NALF1: variants seen among roughly 807,000 people sequenced by gnomAD.
NALF1 encodes the protein family with sequence similarity 155 member A.
Under a neutral mutation model 48.4 loss-of-function variants are expected in NALF1, and 3 were observed. The observed-to-expected ratio is 0.06, with a 90% CI of 0.03 to 0.16. The LOEUF (loss-of-function observed/expected upper bound fraction) is 0.16. NALF1 is among the 10% of genes least tolerant of loss of function. The pLI, the probability that NALF1 is intolerant of heterozygous loss-of-function variation, is 1.00. For synonymous variants in NALF1, 262 were observed against 245.7 expected (o/e 1.07, Z -0.62); for missense variants, 526 against 571.5 (o/e 0.92, Z 0.81).
At chr13:107,199,500 G>T (rs2138792334) in intron 2 of NALF1, among the ~76,000 whole-genome samples, 1 of 152,168 alleles carries the variant, frequency 6.6e-6, no homozygotes, top group South Asian at 2.1e-4. Flanking sequence ...TCCATATACG[G>T]TCACATTCTG....
chr13:107,854,966 A>C (rs1256836064), intron 1 of NALF1, among the ~76,000 whole-genome samples: 2 of 152,182 alleles, frequency 1.3e-5, no homozygotes, highest in African/African-American at 4.8e-5. Context: ...ACTTTTGGTA[A>C]GAAACCAATT....
At chr13:107,691,259 C>T (rs13378498) in intron 1 of NALF1, among the ~76,000 whole-genome samples, 10 of 152,166 alleles carry the variant, frequency 6.6e-5, no homozygotes, top group South Asian at 2.1e-4. Context: ...TTCTCCTCAC[C>T]GCCTCAGAAG....
At position 107,591,349 on chromosome 13, in the gene NALF1, C is replaced by A. The variant is rs9559079; in HGVS notation, c.915+274333G>T. The stretch of plus-strand genomic sequence containing the variant: ...ACGTATTCTGCACATAATAGGCTTC[C>A]ATCATTCAGCATTGAGACTTCTTCA... On this transcript the variant is annotated intron_variant, in intron 1 of 2. Coordinates refer to ENST00000375915, the MANE Select transcript of NALF1 (RefSeq NM_001080396.3). Among the ~76,000 whole-genome samples, 9 of 151,958 alleles carry A rather than the reference C, an allele frequency of 5.9e-5. No individual in the cohort carries two copies. The East Asian group carries it at 9.7e-4, about 16-fold the overall frequency.
Position 107,210,615 on chromosome 13 carries a change from G to C in NALF1, c.1056C>G (p.Ile352Met). 6.2e-7 allele frequency: 1 copy of C among 1,613,484 alleles called. No homozygotes were observed. Among genetic ancestry groups the C allele is most frequent in the Non-Finnish European group, 8.5e-7 (1 of 1,179,426 alleles). Reference protein sequence around the residue: ...PFILPDNDEVIYGGLSSFICT... With the variant: ...PFILPDNDEVMYGGLSSFICT... ...AGATGAAACTGGAGAGGCCTCCGTAGATGACTTCATCATTGTCGGGCAATA... is the reference window on the plus strand; with the variant it reads ...AGATGAAACTGGAGAGGCCTCCGTACATGACTTCATCATTGTCGGGCAATA... Residue 352 changes from isoleucine (I) to methionine (M), a missense_variant, in exon 2 of 3, where the codon ATC (isoleucine) becomes ATG (methionine). Ile to Met is a conservative substitution (Grantham distance 10). Transcript: ENST00000375915.
chr13:107,199,874 C>T (rs1432620192), intron 2 of NALF1, among the ~76,000 whole-genome samples: 1 of 152,188 alleles, frequency 6.6e-6, no homozygotes, highest in South Asian at 2.1e-4. Flanking sequence ...CACAGACACC[C>T]GTGGGCGGGA....
chr13:107,410,114 T>C (rs1379252742), intron 1 of NALF1, among the ~76,000 whole-genome samples: 1 of 152,228 alleles, frequency 6.6e-6, no homozygotes, highest in Non-Finnish European at 1.5e-5. Flanking sequence ...GTAACAATGC[T>C]TGGTGCTTGT....
chr13:107,331,692 T>C (rs1161125614), intron 1 of NALF1, among the ~76,000 whole-genome samples: 1 of 152,150 alleles, frequency 6.6e-6, no homozygotes, highest in Non-Finnish European at 1.5e-5. Context: ...ACAATAGGAT[T>C]TAGATAATTG....
chr13:107,806,590 A>G (rs1878798418), intron 1 of NALF1, among the ~76,000 whole-genome samples: 1 of 152,118 alleles, frequency 6.6e-6, no homozygotes, highest in Non-Finnish European at 1.5e-5. Context: ...AAAAATGTCT[A>G]TACATAAGGT....
chr13:107,219,028 G>A (rs181202130), intron 1 of NALF1, among the ~76,000 whole-genome samples: 83 of 152,300 alleles, frequency 5.4e-4, no homozygotes, highest in Non-Finnish European at 2.2e-4. Context: ...CCTTTGGTGT[G>A]AAGGAAGATC....
At chr13:107,248,841 G>T (rs1489510784) in intron 1 of NALF1, among the ~76,000 whole-genome samples, 1 of 151,400 alleles carries the variant, frequency 6.6e-6, no homozygotes, top group African/African-American at 2.4e-5. Flanking sequence ...ACAGAGTTCA[G>T]AAATAGGCAA....
At chr13:107,762,315 T>C (rs1255646302) in intron 1 of NALF1, among the ~76,000 whole-genome samples, 4 of 152,002 alleles carry the variant, frequency 2.6e-5, no homozygotes. Flanking sequence ...ACATATTGGG[T>C]GTAAATCTCC....
chr13:107,340,444 C>CTCTTTCTTTCTTTCTTTCTTTCTT (rs200120384), intron 1 of NALF1, among the ~76,000 whole-genome samples: 2 of 134,242 alleles, frequency 1.5e-5, no homozygotes, highest in African/African-American at 2.7e-5. Context: ...CCTGACCTTT[C>CTCTTTCTTTCTTTCTTTCTTTCTT]TCTTTCTTTC....
At chr13:107,438,459 T>C (rs1177966594) in intron 1 of NALF1, among the ~76,000 whole-genome samples, 1 of 152,074 alleles carries the variant, frequency 6.6e-6, no homozygotes, top group Non-Finnish European at 1.5e-5. Context: ...GAAAAGTATC[T>C]CTTATGTTGC....
chr13:107,292,743 A>G (rs560357107), intron 1 of NALF1, among the ~76,000 whole-genome samples: 1 of 152,332 alleles, frequency 6.6e-6, no homozygotes, highest in South Asian at 2.1e-4. Flanking sequence ...ATAAGTAGAA[A>G]AAGTATATTC....
chr13:107,635,198 A>G (rs1352575436), intron 1 of NALF1, among the ~76,000 whole-genome samples: 1 of 152,056 alleles, frequency 6.6e-6, no homozygotes, highest in Non-Finnish European at 1.5e-5. Context: ...TCATCCTCAT[A>G]CTGCTATGAA....
chr13:107,645,708 C>A (rs1880298703), intron 1 of NALF1, among the ~76,000 whole-genome samples: 2 of 147,762 alleles, frequency 1.4e-5, no homozygotes, highest in South Asian at 4.3e-4. Context: ...AAAAAAAATC[C>A]CTGTTTTACT....
chr13:107,185,598 A>G (rs1399959436), intron 2 of NALF1, among the ~76,000 whole-genome samples: 3 of 152,046 alleles, frequency 2.0e-5, no homozygotes, highest in African/African-American at 7.3e-5. Flanking sequence ...TTGAGGTCCT[A>G]TGTTGCCCTC....
intron 1 of NALF1, among the ~76,000 whole-genome samples, chr13:107,775,824 C>A (rs1301054764): frequency 7.1e-6 from 1 of 140,640 alleles, no homozygotes; most frequent in Non-Finnish European, 1.6e-5. Context: ...ATGTTCCCCA[C>A]ACAAAGATAA....
chr13:107,532,634 C>T (rs1876677017), intron 1 of NALF1, among the ~76,000 whole-genome samples: 1 of 152,038 alleles, frequency 6.6e-6, no homozygotes. Flanking sequence ...ATACTCATAT[C>T]TTTTGACTTG....
Sources: allele counts gnomAD v4.1 joint callset (sites outside exome capture counted in the v4.1 genomes callset), GRCh38; gene constraint gnomAD v4.1.1; transcripts MANE v1.5; gene names NCBI Gene and HGNC (gene_info 2026-07-23, HGNC 2026-07-21).